PTPRA: variants seen among roughly 807,000 people sequenced by gnomAD.
The protein encoded by PTPRA is receptor-type tyrosine-protein phosphatase alpha.
In PTPRA, 25 loss-of-function variants were observed where a neutral mutation model predicts 104.8. The observed-to-expected ratio is 0.24, with a 90% CI of 0.17 to 0.33. PTPRA has a LOEUF of 0.33. Ranked by LOEUF, PTPRA falls within the 10% of genes least tolerant of loss-of-function variation. The pLI is 1.00. For missense variants in PTPRA, 765 were observed against 1,015.3 expected, an observed-to-expected ratio of 0.75 and a Z score of 3.35; for synonymous variants, 323 against 368.9, an observed-to-expected ratio of 0.88 and a Z score of 1.43.
chr20:3,010,297 C>A (rs2064097971), intron 11 of PTPRA, among the ~76,000 whole-genome samples: 1 of 152,102 alleles, frequency 6.6e-6, no homozygotes, highest in Non-Finnish European at 1.5e-5. Flanking sequence ...AGTCTCATGG[C>A]CACAAGATGG....
chr20:2,977,599 T>A (rs1456954893), intron 6 of PTPRA, among the ~76,000 whole-genome samples: 3 of 150,844 alleles, frequency 2.0e-5, no homozygotes, highest in Non-Finnish European at 3.0e-5. Context: ...GAGCCAAGAT[T>A]GCGTGACTGT....
intron 11 of PTPRA, among the ~76,000 whole-genome samples, chr20:3,010,326 T>C (rs2064100353): frequency 2.0e-5 from 3 of 151,860 alleles, no homozygotes; most frequent in Admixed American, 1.3e-4. Context: ...GTCCCAAGCA[T>C]TCCTCATAAA....
At position 2,881,592 on chromosome 20, in the gene PTPRA, T is replaced by G. The variant is rs1600049188; in HGVS notation, c.-129+7832T>G. Among the ~76,000 whole-genome samples the G allele has an allele frequency of 2.0e-5, 3 of 152,288 alleles. 1 individual carries two copies. The highest frequency in any genetic ancestry group is 2.0e-4 in the Admixed American group (3 of 15,296). On this transcript the variant is annotated intron_variant, in intron 1 of 23. Coordinates refer to ENST00000399903, the MANE Select transcript of PTPRA (RefSeq NM_001385305.1). ...GTACAGTGGCACAATGATAGCTCAC[T>G]GCAGCATTGAACTCCTGGGCTCAAG...
At chr20:2,978,074 A>G (rs562144847) in intron 6 of PTPRA, among the ~76,000 whole-genome samples, 22 of 152,316 alleles carry the variant, frequency 1.4e-4, no homozygotes, top group African/African-American at 5.1e-4. Flanking sequence ...ATCTGTGCGC[A>G]GTTGACATGT....
chr20:2,910,610 A>ATTTTTTTTTTTTTTTTT (rs1352753968), intron 1 of PTPRA, among the ~76,000 whole-genome samples: 1 of 45,380 alleles, frequency 2.2e-5, no homozygotes, highest in African/African-American at 9.9e-5. Flanking sequence ...GTTTTTTTTA[A>ATTTTTTTTTTTTTTTTT]TTTTTTTTTT....
At chr20:3,026,591 CA>C in intron 17 of PTPRA, 95 bp from the exon 18 acceptor site, 1 of 883,734 alleles carries the variant, frequency 1.1e-6, no homozygotes, top group Non-Finnish European at 1.9e-6. Context: ...AGTATGGAGC[CA>C]GAGTGGCCTG....
Position 2,873,875 on chromosome 20 carries a change from C to G in PTPRA, c.-129+115C>G, listed in dbSNP as rs564244750. 3 of 152,246 alleles carry G rather than the reference C, an allele frequency of 2.0e-5. No homozygotes were observed. The highest frequency in any genetic ancestry group is 7.2e-5 in the African/African-American group (3 of 41,554). The allele number at this position is 152,246 out of a possible 1,614,324, so 9.4% of individuals were successfully genotyped here. A position where few individuals can be genotyped will look rare whatever the true frequency, so the allele number is the denominator to read the frequency against. On this transcript the variant is annotated intron_variant, in intron 1 of 23. Transcript: ENST00000399903. This position sits in a 1 kb window ranked among gnomAD's most constrained non-coding sequence, Gnocchi z 4.4. The stretch of plus-strand genomic sequence containing the variant: ...GAGCCCGGAGCCCGAAGCCCTAAGC[C>G]ATCTTTTCCGGGTAGAAGCCTGCGG...
chr20:2,993,982 C>T (rs1336152917), intron 9 of PTPRA, among the ~76,000 whole-genome samples: 3 of 152,172 alleles, frequency 2.0e-5, no homozygotes, highest in Non-Finnish European at 2.9e-5. Flanking sequence ...TTAATAGGTC[C>T]TAATGTGAAG....
chr20:2,981,200 T>C (rs1397562866), intron 6 of PTPRA, among the ~76,000 whole-genome samples: 1 of 152,186 alleles, frequency 6.6e-6, no homozygotes, highest in Non-Finnish European at 1.5e-5. Flanking sequence ...CTGAATAATA[T>C]TAGATGATAC....
intron 3 of PTPRA, among the ~76,000 whole-genome samples, chr20:2,963,384 C>A (rs1388556548): frequency 6.6e-6 from 1 of 151,882 alleles, no homozygotes; most frequent in Non-Finnish European, 1.5e-5. Flanking sequence ...GGGAGGTCAC[C>A]TGGGGTCAGG....
chr20:2,954,260 G>A lies in PTPRA; in HGVS notation c.-7+6236G>A, dbSNP rs575370857. On this transcript the variant is annotated intron_variant, in intron 3 of 23. Coordinates refer to ENST00000399903, the MANE Select transcript of PTPRA (RefSeq NM_001385305.1). ...GCCTGGCTAATTTTTTGTATTTTTA[G>A]TAGAGATGGGGTTTCACCATGTTGG... Among the ~76,000 whole-genome samples, 24 of 151,708 alleles carry A rather than the reference G, an allele frequency of 1.6e-4. No individual in the cohort carries two copies. In the South Asian group the frequency reaches 4.8e-3, roughly 30 times the overall value.
chr20:2,895,479 A>C (rs1415900698), intron 1 of PTPRA, among the ~76,000 whole-genome samples: 2 of 151,912 alleles, frequency 1.3e-5, no homozygotes, highest in Non-Finnish European at 2.9e-5. Flanking sequence ...TCATTTTAAG[A>C]TTGTCATGAC....
intron 5 of PTPRA, among the ~76,000 whole-genome samples, chr20:2,974,429 A>AC (rs2062335142): frequency 7.3e-6 from 1 of 137,464 alleles, no homozygotes; most frequent in African/African-American, 2.6e-5. Flanking sequence ...TTTGGTTTTG[A>AC]TTTTTTTTTT....
At chr20:2,877,147 G>T (rs1378023365) in intron 1 of PTPRA, among the ~76,000 whole-genome samples, 2 of 152,190 alleles carry the variant, frequency 1.3e-5, no homozygotes, top group African/African-American at 4.8e-5. Flanking sequence ...TGCAGGGGAA[G>T]TTTGAGTTAT....
chr20:2,989,644 A>ACTAGTGT (rs1455946761), intron 9 of PTPRA, among the ~76,000 whole-genome samples: 1 of 152,092 alleles, frequency 6.6e-6, no homozygotes, highest in African/African-American at 2.4e-5. Flanking sequence ...AAGAGGTGAA[A>ACTAGTGT]CTAGTGTGGC....
intron 2 of PTPRA, among the ~76,000 whole-genome samples, chr20:2,934,873 T>C (rs985811658): frequency 2.6e-5 from 4 of 152,072 alleles, no homozygotes; most frequent in African/African-American, 9.7e-5. Flanking sequence ...TGTTTCGCCA[T>C]GTTGGTCAGG....
Position 2,988,027 on chromosome 20 carries a change from A to G in PTPRA, c.528-5A>G. On this transcript the variant is annotated splice_region_variant and splice_polypyrimidine_tract_variant and intron_variant, in intron 7 of 23. Coordinates refer to ENST00000399903, the MANE Select transcript of PTPRA (RefSeq NM_001385305.1). ...CATTCTTCACTGTGATCATTTTCTC[A>G]TTAGGTTTAAGAAATACAAGCAAGC... is the stretch of plus-strand genomic sequence containing the variant. 1 of 1,554,190 alleles carries G rather than the reference A, an allele frequency of 6.4e-7. No homozygotes were observed. The highest frequency in any genetic ancestry group is 1.4e-5 in the African/African-American group (1 of 73,598).
intron 1 of PTPRA, among the ~76,000 whole-genome samples, chr20:2,887,431 A>G (rs957966974): frequency 2.6e-5 from 4 of 152,170 alleles, no homozygotes; most frequent in African/African-American, 9.7e-5. Flanking sequence ...GTGGCCAGTG[A>G]TGATGGTGTT....
At chr20:2,873,203 A>G (rs1226589910), upstream of PTPRA, among the ~76,000 whole-genome samples, 1 of 152,210 alleles carries the variant, frequency 6.6e-6, no homozygotes, top group Non-Finnish European at 1.5e-5. The surrounding 1 kb of genome is among the most constrained non-coding windows in gnomAD (Gnocchi z 4.4). Flanking sequence ...AGAAGGCCCA[A>G]GTCATGAGGC....
Sources: allele counts gnomAD v4.1 joint callset (sites outside exome capture counted in the v4.1 genomes callset), GRCh38; gene constraint gnomAD v4.1.1; non-coding constraint Gnocchi (gnomAD v3.1); transcripts MANE v1.5; gene names NCBI Gene and HGNC (gene_info 2026-07-23, HGNC 2026-07-21).